The following GPHN variants were observed in gnomAD, a reference collection of about 807,000 sequenced individuals.
GPHN encodes the protein gephyrin.
Under a neutral mutation model 95.5 loss-of-function variants are expected in GPHN, and 17 were observed. The ratio of observed to expected loss-of-function variants is 0.18; its 90% CI spans 0.12 to 0.27. The LOEUF is 0.27. Ranked by LOEUF, GPHN falls within the 10% of genes least tolerant of loss-of-function variation. GPHN has a pLI of 1.00. For missense variants in GPHN, 660 were observed against 978.1 expected (o/e 0.67, Z 4.34); for synonymous variants, 320 against 322.5 (o/e 0.99, Z 0.08).
rs144048340 is a variant in GPHN at position 66,736,909 on chromosome 14, A to G, written c.144-39555A>G. Among the ~76,000 whole-genome samples, 351 of 152,134 alleles carry G rather than the reference A, an allele frequency of 2.3e-3. 1 individual carries two copies. The Middle Eastern group carries it at 0.031, about 13-fold the overall frequency. On this transcript the variant is annotated intron_variant, in intron 2 of 22. Coordinates refer to ENST00000478722, the MANE Select transcript of GPHN (RefSeq NM_020806.5). ...TTTTTATCTCTCTTTGCTGAATTCTATATCACTTCTTGAGACCTGTCTTCC... is the reference window on the plus strand; with the variant it reads ...TTTTTATCTCTCTTTGCTGAATTCTGTATCACTTCTTGAGACCTGTCTTCC...
intron 5 of GPHN, among the ~76,000 whole-genome samples, chr14:66,913,368 T>C (rs1200136719): frequency 6.6e-6 from 1 of 152,084 alleles, no homozygotes; most frequent in African/African-American, 2.4e-5. Flanking sequence ...TGAGACGAAG[T>C]CTTACTACTG....
chr14:67,602,307 C>T, the GPHN span, among the ~76,000 whole-genome samples: 1 of 152,132 alleles, frequency 6.6e-6, no homozygotes, highest in African/African-American at 2.4e-5. Context: ...CATCACGAGA[C>T]CAGCATGGGG....
chr14:66,666,950 G>T (rs896178977), intron 1 of GPHN, among the ~76,000 whole-genome samples: 2 of 152,092 alleles, frequency 1.3e-5, no homozygotes, highest in Non-Finnish European at 2.9e-5. Flanking sequence ...CTCAGGATAC[G>T]CAATTAATGT....
the GPHN span, among the ~76,000 whole-genome samples, chr14:67,522,221 G>C: frequency 6.6e-6 from 1 of 152,066 alleles, no homozygotes; most frequent in Non-Finnish European, 1.5e-5. Flanking sequence ...GGGATTGTGC[G>C]GGAGAGCCCC....
the GPHN span, among the ~76,000 whole-genome samples, chr14:67,361,981 ATACTT>A: frequency 7.0e-6 from 1 of 142,376 alleles, no homozygotes; most frequent in Admixed American, 6.9e-5. Context: ...TTCCCACTCT[ATACTT>A]AATTACTTAG....
chr14:67,526,469 A>T, the GPHN span, among the ~76,000 whole-genome samples: 1 of 152,230 alleles, frequency 6.6e-6, no homozygotes, highest in African/African-American at 2.4e-5. Context: ...TTGGTGCCAG[A>T]TGCATGGAAC....
At chr14:67,551,376 C>A in the GPHN span, among the ~76,000 whole-genome samples, 1 of 152,184 alleles carries the variant, frequency 6.6e-6, no homozygotes, top group African/African-American at 2.4e-5. Flanking sequence ...CTATAAATTT[C>A]TGAATGCCAA....
At chr14:66,816,820 G>C (rs1168987686) in intron 3 of GPHN, among the ~76,000 whole-genome samples, 1 of 152,118 alleles carries the variant, frequency 6.6e-6, no homozygotes, top group Admixed American at 6.6e-5. Flanking sequence ...AACTCAAAGA[G>C]ATTGAGACAG....
At chr14:67,600,322 T>G in the GPHN span, 2 of 852,450 alleles carry the variant, frequency 2.3e-6, no homozygotes, top group Non-Finnish European at 3.4e-6. Context: ...GCCCTAAGCC[T>G]GCGCAGCCTC....
chr14:66,783,341 C>G (rs2059669572), intron 3 of GPHN, among the ~76,000 whole-genome samples: 1 of 152,000 alleles, frequency 6.6e-6, no homozygotes, highest in African/African-American at 2.4e-5. Context: ...GCAGATGTCA[C>G]TCTGATTTCC....
chr14:66,622,946 A>G (rs2063368018), intron 1 of GPHN, among the ~76,000 whole-genome samples: 1 of 152,126 alleles, frequency 6.6e-6, no homozygotes, highest in African/African-American at 2.4e-5. Flanking sequence ...ACTCGCTTCC[A>G]CATTTTCATG....
the GPHN span, among the ~76,000 whole-genome samples, chr14:67,280,672 C>A: frequency 2.6e-5 from 4 of 152,150 alleles, no homozygotes; most frequent in Non-Finnish European, 5.9e-5. Flanking sequence ...CTGCGTTTCA[C>A]TCACCAGGCC....
chr14:66,685,321 G>T (rs558227688), intron 2 of GPHN, among the ~76,000 whole-genome samples: 1 of 152,262 alleles, frequency 6.6e-6, no homozygotes, highest in South Asian at 2.1e-4. Flanking sequence ...CTGAGGAATC[G>T]CCACACTGTC....
At chr14:67,311,762 CATT>C in the GPHN span, among the ~76,000 whole-genome samples, 1 of 152,146 alleles carries the variant, frequency 6.6e-6, no homozygotes, top group African/African-American at 2.4e-5. Context: ...TCCAAAAACA[CATT>C]ATTAGCAAAA....
intron 1 of GPHN, among the ~76,000 whole-genome samples, chr14:66,518,007 A>G (rs1248024733): frequency 1.3e-5 from 2 of 152,064 alleles, no homozygotes; most frequent in East Asian, 1.9e-4. Flanking sequence ...AAGGCAGCCT[A>G]TAGAATGGGA....
the GPHN span, chr14:67,590,094 A>G: frequency 6.4e-7 from 1 of 1,550,770 alleles, no homozygotes; most frequent in Non-Finnish European, 8.7e-7. Context: ...GGGCTTGTTG[A>G]TGTGGCTTTC....
At chr14:67,469,440 C>CT in the GPHN span, among the ~76,000 whole-genome samples, 4,303 of 80,938 alleles carry the variant, frequency 0.053, 447 homozygotes, top group East Asian at 0.073. Flanking sequence ...CCATGCCTGG[C>CT]TTTTTTTTTT....
At chr14:67,574,382 C>T in the GPHN span, 51 of 1,581,494 alleles carry the variant, frequency 3.2e-5, no homozygotes, top group Middle Eastern at 3.3e-4. This position sits in a 1 kb window ranked among gnomAD's most constrained non-coding sequence, Gnocchi z 4.2. Flanking sequence ...CCAAGCCCAC[C>T]GTGAAGGGCT....
chr14:67,022,608 T>TGTGTGTA (rs1319488184), intron 9 of GPHN, among the ~76,000 whole-genome samples: 5 of 140,942 alleles, frequency 3.5e-5, no homozygotes, highest in African/African-American at 7.9e-5. Context: ...TGTGTGTGTA[T>TGTGTGTA]TTTTCTTGTA....
Sources: gnomAD v4.1 joint callset for allele counts (sites outside exome capture counted in the v4.1 genomes callset) on GRCh38, gnomAD v4.1.1 for gene constraint, Gnocchi (gnomAD v3.1) non-coding constraint, MANE v1.5 for transcripts, NCBI Gene and HGNC (gene_info 2026-07-23, HGNC 2026-07-21) for gene names.